KIF26A: variants seen among roughly 807,000 people sequenced by gnomAD.
The protein encoded by KIF26A is kinesin family member 26A, also known as kinesin-like protein KIF26A.
Under a neutral mutation model 126.0 loss-of-function variants are expected in KIF26A, and 74 were observed. The observed-to-expected ratio is 0.59, with a 90% CI of 0.49 to 0.71. The LOEUF (loss-of-function observed/expected upper bound fraction) is 0.71, where lower values mean the gene tolerates loss of function less well. KIF26A is among the 30% of genes least tolerant of loss of function. The probability of loss-of-function intolerance (pLI) is 0.00; values close to 1 mark genes in which losing one functional copy is unlikely to be tolerated. For synonymous variants in KIF26A, 1,445 were observed against 1,232.7 expected (o/e 1.17, Z -3.61); for missense variants, 2,984 against 2,763.3 (o/e 1.08, Z -1.79).
At chr14:104,159,631 G>C (rs1203798491) in intron 4 of KIF26A, among the ~76,000 whole-genome samples, 1 of 152,222 alleles carries the variant, frequency 6.6e-6, no homozygotes, top group East Asian at 1.9e-4. Flanking sequence ...CAGCGCATCG[G>C]GCTGGGGACC....
rs370003250 is a variant in KIF26A at position 104,173,447 on chromosome 14, A to C, written c.1801A>C (p.Ser601Arg). ...RAGCGEDARR[S>R]SHMLFTLHVY... is the part of the protein sequence containing the mutation. Reference sequence around the variant, plus strand: ...GGGCTGTGGCGAGGACGCCCGACGCAGCTCCCACATGTTGTTCACGCTGCA... The same window carrying C: ...GGGCTGTGGCGAGGACGCCCGACGCCGCTCCCACATGTTGTTCACGCTGCA... The change falls in exon 9 of 15, where the codon AGC (serine) becomes CGC (arginine). Residue 601 changes from serine (S) to arginine (R), a missense_variant. Transcript: ENST00000423312. 16 of 1,588,964 alleles carry C rather than the reference A, an allele frequency of 1.0e-5. No homozygotes were observed. In the East Asian group the frequency reaches 3.0e-4, roughly 30 times the overall value.
At chr14:104,178,433 A>G (rs370471100) in intron 12 of KIF26A, 117 bp from the exon 13 acceptor site, 25 of 749,306 alleles carry the variant, frequency 3.3e-5, no homozygotes, top group African/African-American at 2.4e-4. Context: ...GGATTCCTGG[A>G]CTGGATCCCG....
chr14:104,177,906 C>A lies in KIF26A; in HGVS notation c.5110+8C>A. 2.0e-6 allele frequency: 3 copies of A among 1,509,348 alleles called. No individual in the cohort carries two copies. The highest frequency in any genetic ancestry group is 2.6e-6 in the Non-Finnish European group (3 of 1,137,322). The allele number at this position is 1,509,348 out of a possible 1,614,324, so 93.5% of individuals were successfully genotyped here. On this transcript the variant is annotated splice_region_variant and intron_variant, in intron 12 of 14. Transcript: ENST00000423312. ...CCAAGAAGAGGGCCACAGGTGGGTG[C>A]AGAGGTGCACAGCCCTCTACAGTTT...
rs571177667 is a variant in KIF26A, at chr14:104,178,606, C to T, written c.5167C>T (p.Arg1723Cys). ...ACTGCCCGACACCACTGCCCTGGGC[C>T]GTAAGCCCAGCCTCCCCGGGCAGTG... ...APLPDTTALG[R>C]KPSLPGQWVD... Residue 1723 changes from arginine (R) to cysteine (C), a missense_variant, in exon 13 of 15, where the codon CGT becomes TGT. By Grantham distance (180) the Arg-to-Cys change is radical (BLOSUM62 -3). Transcript: ENST00000423312. 333 of 1,546,216 alleles carry T rather than the reference C, an allele frequency of 2.2e-4. No individual in the cohort carries two copies. Among genetic ancestry groups the T allele is most frequent in the South Asian group, 4.8e-4 (40 of 83,708 alleles).
rs1458066714 is a variant in KIF26A, at chr14:104,179,812, AG to A, written c.*27del. The A allele has an allele frequency of 9.4e-6, 14 of 1,492,832 alleles. No homozygotes were observed. The East Asian group carries it at 2.0e-4, about 21-fold the overall frequency. 92.5% of individuals were successfully genotyped at this position (1,492,832 alleles called of 1,614,324 possible). A position where few individuals can be genotyped will look rare whatever the true frequency, so the allele number is the denominator to read the frequency against. On this transcript the variant is annotated 3_prime_UTR_variant, in exon 15 of 15. Coordinates refer to ENST00000423312, the MANE Select transcript of KIF26A (RefSeq NM_015656.2). Reference sequence around the variant, plus strand: ...CTGAGGCTGGGCGCCGGACAAGAGGAGGGGGCGTGCAGCGGGCTGGAGGACG... The same window carrying A: ...CTGAGGCTGGGCGCCGGACAAGAGGAGGGGCGTGCAGCGGGCTGGAGGACG...
At chr14:104,165,541 A>G (rs111072336) in intron 4 of KIF26A, among the ~76,000 whole-genome samples, 5 of 83,052 alleles carry the variant, frequency 6.0e-5, no homozygotes, top group African/African-American at 1.8e-4. Flanking sequence ...CTTTGTGTCT[A>G]TGCGTGTGTG....
Position 104,152,601 on chromosome 14 carries a change from C to A in KIF26A, c.735+140C>A. The A allele has an allele frequency of 1.3e-6, 1 of 767,528 alleles. No homozygotes were observed. The highest frequency in any genetic ancestry group is 2.0e-6 in the Non-Finnish European group (1 of 493,842). 47.5% of individuals were successfully genotyped at this position (767,528 alleles called of 1,614,324 possible). A position where few individuals can be genotyped will look rare whatever the true frequency, so the allele number is the denominator to read the frequency against. ...GGACGGCGGGCATGGGGGTTCCTGA[C>A]ACTCCTGAGGCCCCACATCAGATGC... On this transcript the variant is annotated intron_variant, in intron 3 of 14. Transcript: ENST00000423312. This position sits in a 1 kb window ranked among gnomAD's most constrained non-coding sequence, Gnocchi z 5.9.
In KIF26A at chr14:104,178,719, G is replaced by C; in HGVS notation, c.5280G>C (p.Gln1760His). The C allele has an allele frequency of 6.4e-7, 1 of 1,556,972 alleles. No homozygotes were observed. Among genetic ancestry groups the C allele is most frequent in the Non-Finnish European group, 8.7e-7 (1 of 1,150,118 alleles). The change falls in exon 13 of 15, where the codon CAG becomes CAC. Residue 1760 changes from glutamine (Q) to histidine (H), a missense_variant. Coordinates refer to ENST00000423312, the MANE Select transcript of KIF26A (RefSeq NM_015656.2). The part of the protein sequence containing the change: ...VYEIDDVERL[Q>H]RPRPTPREAP... ...AGATCGATGACGTGGAGCGCCTTCA[G>C]CGGCCCCGCCCCACCCCGAGGGAGG...
chr14:104,170,468 C>G (rs1008057087), intron 5 of KIF26A, among the ~76,000 whole-genome samples: 1 of 152,236 alleles, frequency 6.6e-6, no homozygotes, highest in African/African-American at 2.4e-5. Flanking sequence ...TGCGAACTAC[C>G]CATGGTAAAC....
intron 2 of KIF26A, among the ~76,000 whole-genome samples, chr14:104,147,753 C>T (rs1043051957): frequency 4.6e-5 from 7 of 152,208 alleles, no homozygotes; most frequent in Non-Finnish European, 2.9e-5. Flanking sequence ...CAGCCCAGCA[C>T]GCTTTGTTTG....
Position 104,176,546 on chromosome 14 carries a change from A to C in KIF26A, c.3758A>C (p.Gln1253Pro). ...CTCCGGGTAGGGGAGTGTGATACCC[A>C]GGCAGCTTCTGCTGGCAGGGCCCCC... ...WLLRVGECDT[Q>P]AASAGRAPSP... The change falls in exon 12 of 15, where the codon CAG becomes CCG. Residue 1253 changes from glutamine to proline, a missense_variant. Gln to Pro is a moderately conservative substitution (Grantham distance 76). Coordinates refer to ENST00000423312, the MANE Select transcript of KIF26A (RefSeq NM_015656.2). 6.2e-7 allele frequency: 1 copy of C among 1,605,630 alleles called. No individual in the cohort carries two copies. Among genetic ancestry groups the C allele is most frequent in the Non-Finnish European group, 8.5e-7 (1 of 1,179,666 alleles).
rs1048947310 is a variant in KIF26A, at chr14:104,179,466, C to A, written c.5467+80C>A. ...GCCCTCCCCTCCCAGAGCCCTGTTG[C>A]TCTCCTGTACCTCGTGGTGGGAAGG... On this transcript the variant is annotated intron_variant, in intron 14 of 14. Coordinates refer to ENST00000423312, the MANE Select transcript of KIF26A (RefSeq NM_015656.2). 4.0e-5 allele frequency: 57 copies of A among 1,426,886 alleles called. No individual in the cohort carries two copies. In the African/African-American group the frequency reaches 6.8e-4, roughly 17 times the overall value. The allele number at this position is 1,426,886 out of a possible 1,614,324, so 88.4% of individuals were successfully genotyped here.
chr14:104,174,373 C>A (rs759165308), intron 11 of KIF26A, 63 bp downstream of exon 11: 255 of 1,414,852 alleles, frequency 1.8e-4, no homozygotes, highest in Non-Finnish European at 2.3e-4. Flanking sequence ...CCACTGCAGG[C>A]CTCTGCTGGC....
At chr14:104,168,545 A>C (rs2037928344) in intron 5 of KIF26A, among the ~76,000 whole-genome samples, 1 of 152,104 alleles carries the variant, frequency 6.6e-6, no homozygotes, top group Non-Finnish European at 1.5e-5. Context: ...GGCATCAGGC[A>C]GTTGGCACCT....
rs1305990457 is a variant in KIF26A at position 104,171,640 on chromosome 14, C to T, written c.1114-83C>T. The stretch of plus-strand genomic sequence containing the variant: ...TGTGAGGCCTGGCCCGCTGTCCCCA[C>T]CTGAGCTGGGCCCCTCCTGCCCTGT... On this transcript the variant is annotated intron_variant, in intron 5 of 14. Transcript: ENST00000423312. The T allele has an allele frequency of 3.2e-6, 4 of 1,238,154 alleles. No homozygotes were observed. In the African/African-American group the frequency reaches 6.0e-5, roughly 18 times the overall value. 76.7% of individuals were successfully genotyped at this position (1,238,154 alleles called of 1,614,324 possible).
At chr14:104,179,502 G>C in intron 14 of KIF26A, 107 bp from the exon 15 acceptor site, 9 of 1,426,728 alleles carry the variant, frequency 6.3e-6, no homozygotes, top group Non-Finnish European at 8.3e-6. Flanking sequence ...CTGGAAGGCA[G>C]GGTCGGCCGG....
Position 104,180,294 on chromosome 14 carries a change from T to G in KIF26A, c.*504T>G. On this transcript the variant is annotated 3_prime_UTR_variant, in exon 15 of 15. Transcript: ENST00000423312. ...TCGGCAGAGCCCGGGTTGTGGGGGA[T>G]CTGTGTGGGGTTCTCAACGCAGATC... The G allele has an allele frequency of 9.4e-6, 1 of 106,116 alleles. No homozygotes were observed. Among genetic ancestry groups the G allele is most frequent in the Non-Finnish European group, 1.9e-5 (1 of 53,130 alleles). The allele number at this position is 106,116 out of a possible 1,614,324, so 6.6% of individuals were successfully genotyped here. A position where few individuals can be genotyped will look rare whatever the true frequency, so the allele number is the denominator to read the frequency against.
At chr14:104,150,328 A>G (rs866822313) in intron 2 of KIF26A, among the ~76,000 whole-genome samples, 243 of 151,582 alleles carry the variant, frequency 1.6e-3, no homozygotes, top group African/African-American at 5.5e-3. Context: ...CGCGCCAGGC[A>G]CTTCAGAGGC....
rs1279610054 is a variant in KIF26A at position 104,152,236 on chromosome 14, G to C, written c.510G>C (p.Ser170=). The change falls in exon 3 of 15, where the codon TCG becomes TCC. Residue 170 remains serine (S), a synonymous_variant. Coordinates refer to ENST00000423312, the MANE Select transcript of KIF26A (RefSeq NM_015656.2). The surrounding 1 kb of genome is among the most constrained non-coding windows in gnomAD (Gnocchi z 5.9). ...CACCCCCCAGCACCACGACCAGCTC[G>C]AGGGACACGCCAGGACCAGCGGGTC... ...SLAPPSTTTS[S]RDTPGPAGPA... is the part of the protein sequence containing the mutation. 2 of 1,598,604 alleles carry C rather than the reference G, an allele frequency of 1.3e-6. No homozygotes were observed. The highest frequency in any genetic ancestry group is 1.7e-6 in the Non-Finnish European group (2 of 1,174,560).
Sources: allele counts gnomAD v4.1 joint callset (sites outside exome capture counted in the v4.1 genomes callset), GRCh38; gene constraint gnomAD v4.1.1; non-coding constraint Gnocchi (gnomAD v3.1); transcripts MANE v1.5; gene names NCBI Gene and HGNC (gene_info 2026-07-23, HGNC 2026-07-21).